The following DLC1 variants were observed in gnomAD, a reference collection of about 807,000 sequenced individuals.
The protein encoded by DLC1 is rho GTPase-activating protein 7.
Under a neutral mutation model 140.3 loss-of-function variants are expected in DLC1, and 54 were observed. That is an observed-to-expected ratio of 0.38 (90% CI 0.31 to 0.48). The LOEUF is 0.48. Ranked by LOEUF, DLC1 falls within the 20% of genes least tolerant of loss-of-function variation. The pLI is 0.96. For missense variants in DLC1, 2,536 were observed against 1,907.0 expected (o/e 1.33, Z -6.14); for synonymous variants, 986 against 728.1 (o/e 1.35, Z -5.70).
In DLC1 at chr8:13,404,238, A is replaced by C. The variant is rs1011381053; in HGVS notation, c.1024-2619T>G. On this transcript the variant is annotated intron_variant, in intron 2 of 17. Coordinates refer to ENST00000276297, the MANE Select transcript of DLC1 (RefSeq NM_182643.3). ...ATGGTATGTTGGTAAGTGTTTAGCA[A>C]CTGAATCTCCAAATAGAATGAAAGT... is the stretch of plus-strand genomic sequence containing the variant. Among the ~76,000 whole-genome samples the C allele has an allele frequency of 4.6e-5, 7 of 152,288 alleles. No homozygotes were observed. In the South Asian group the frequency reaches 1.5e-3, roughly 32 times the overall value.
chr8:13,481,909 C>T (rs1293845396), intron 2 of DLC1, among the ~76,000 whole-genome samples: 2 of 152,092 alleles, frequency 1.3e-5, no homozygotes, highest in African/African-American at 4.8e-5. Flanking sequence ...CCCATGTCAA[C>T]ATAAAGGCCT....
In DLC1 at chr8:13,085,807, G is replaced by A. The variant is rs749177789; in HGVS notation, c.*4C>T. ...TGGTGGAAGCGGTTGCGTTGCTTCA[G>A]TGATCACCTAGATTTGGTGTCTTTG... On this transcript the variant is annotated 3_prime_UTR_variant, in exon 18 of 18. Transcript: ENST00000276297. The A allele has an allele frequency of 9.9e-6, 16 of 1,614,008 alleles. No individual in the cohort carries two copies. The highest frequency in any genetic ancestry group is 3.3e-5 in the Admixed American group (2 of 59,998).
chr8:13,311,080 A>G (rs1391565582), intron 4 of DLC1, among the ~76,000 whole-genome samples: 1 of 152,248 alleles, frequency 6.6e-6, no homozygotes, highest in Non-Finnish European at 1.5e-5. Flanking sequence ...AGGATACATA[A>G]TTATAAAAAT....
intron 5 of DLC1, among the ~76,000 whole-genome samples, chr8:13,302,381 A>G (rs1464597628): frequency 6.6e-6 from 1 of 152,172 alleles, no homozygotes; most frequent in Non-Finnish European, 1.5e-5. Context: ...CTGAATCCAT[A>G]AAAGGCTGTT....
At chr8:13,548,717 A>G (rs894428012) in intron 1 of DLC1, among the ~76,000 whole-genome samples, 8 of 152,032 alleles carry the variant, frequency 5.3e-5, no homozygotes, top group African/African-American at 1.9e-4. Flanking sequence ...GATAACATAG[A>G]GATATATCTC....
At chr8:13,209,357 T>A (rs1174663484) in intron 5 of DLC1, among the ~76,000 whole-genome samples, 1 of 151,672 alleles carries the variant, frequency 6.6e-6, no homozygotes, top group Non-Finnish European at 1.5e-5. Context: ...CTTTGGAGAG[T>A]TAGTGCAAGT....
chr8:13,292,737 G>A (rs973059618), intron 5 of DLC1, among the ~76,000 whole-genome samples: 2 of 152,078 alleles, frequency 1.3e-5, no homozygotes, highest in Non-Finnish European at 2.9e-5. Flanking sequence ...ACAGAATTCT[G>A]ACATTTTTTT....
At chr8:13,577,888 T>A (rs1444991587) in intron 1 of DLC1, among the ~76,000 whole-genome samples, 1 of 152,158 alleles carries the variant, frequency 6.6e-6, no homozygotes, top group African/African-American at 2.4e-5. Flanking sequence ...GTTGCTTTAT[T>A]GGATTTAAGG....
upstream of DLC1, among the ~76,000 whole-genome samples, chr8:13,518,577 C>A (rs1172517680): frequency 2.6e-5 from 4 of 152,194 alleles, no homozygotes; most frequent in African/African-American, 7.2e-5. Context: ...AAAGCAAGAT[C>A]TATCCTTTGA....
Position 13,448,452 on chromosome 8 carries a change from C to T in DLC1, c.1024-46833G>A, listed in dbSNP as rs184506476. On this transcript the variant is annotated intron_variant, in intron 2 of 17. Transcript: ENST00000276297. ...AATCTTGGCCCACTGCAACCTCCACCTCCTGGTTCAAGTGATCCTCCTGCC... is the reference window on the plus strand; with the variant it reads ...AATCTTGGCCCACTGCAACCTCCACTTCCTGGTTCAAGTGATCCTCCTGCC... 5.1e-3 allele frequency among the ~76,000 whole-genome samples: 774 copies of T among 151,962 alleles called. 4 individuals carry two copies. The highest frequency in any genetic ancestry group is 0.018 in the African/African-American group (733 of 41,426).
At chr8:13,484,481 C>G (rs1419561653) in intron 2 of DLC1, among the ~76,000 whole-genome samples, 1 of 152,070 alleles carries the variant, frequency 6.6e-6, no homozygotes, top group East Asian at 1.9e-4. Flanking sequence ...TGGACTGATT[C>G]TCTTTAGTTT....
rs547283115 is a variant in DLC1 at position 13,158,834 on chromosome 8, T to A, written c.1349-43177A>T. 1.5e-4 allele frequency among the ~76,000 whole-genome samples: 22 copies of A among 151,252 alleles called. No homozygotes were observed. The East Asian group carries it at 3.0e-3, about 20-fold the overall frequency. On this transcript the variant is annotated intron_variant, in intron 5 of 17. Transcript: ENST00000276297. Reference sequence around the variant, plus strand: ...CATAAGACAGGTTAGGTAGTTTGTTTAGCTTCATTTTATGACAGAGAGAAA... The same window carrying A: ...CATAAGACAGGTTAGGTAGTTTGTTAAGCTTCATTTTATGACAGAGAGAAA...
Position 13,085,787 on chromosome 8 carries a change from G to A in DLC1, c.*24C>T. 1 of 1,613,952 alleles carries A rather than the reference G, an allele frequency of 6.2e-7. No individual in the cohort carries two copies. Among genetic ancestry groups the A allele is most frequent in the South Asian group, 1.1e-5 (1 of 91,068 alleles). ...TCTAGAAACAAACACCATGGTGGTG[G>A]AAGCGGTTGCGTTGCTTCAGTGATC... On this transcript the variant is annotated 3_prime_UTR_variant, in exon 18 of 18. Transcript: ENST00000276297.
chr8:13,427,989 C>T (rs1201792481), intron 2 of DLC1, among the ~76,000 whole-genome samples: 7 of 152,128 alleles, frequency 4.6e-5, no homozygotes. Flanking sequence ...TTCCAGTTTG[C>T]TTGCAGAGAG....
intron 1 of DLC1, among the ~76,000 whole-genome samples, chr8:13,509,351 C>A (rs1387049548): frequency 6.6e-6 from 1 of 152,158 alleles, no homozygotes; most frequent in African/African-American, 2.4e-5. Flanking sequence ...AAATCAGGAA[C>A]AAGATGTCAT....
At chr8:13,312,386 A>ATAAT (rs746830060) in intron 4 of DLC1, among the ~76,000 whole-genome samples, 4 of 81,704 alleles carry the variant, frequency 4.9e-5, no homozygotes, top group African/African-American at 1.8e-4. Context: ...AAAAAAAAAA[A>ATAAT]AATAATTTCT....
intron 2 of DLC1, among the ~76,000 whole-genome samples, chr8:13,433,140 A>G (rs926672832): frequency 3.9e-5 from 6 of 152,022 alleles, no homozygotes; most frequent in African/African-American, 1.2e-4. Context: ...TATTGAAGAG[A>G]ACAGGCATTC....
At chr8:13,522,560 G>A (rs921436460) in intron 1 of DLC1, among the ~76,000 whole-genome samples, 1 of 152,054 alleles carries the variant, frequency 6.6e-6, no homozygotes, top group East Asian at 1.9e-4. Flanking sequence ...AGGAGACAGA[G>A]GTTGAAGTGA....
chr8:13,594,437 C>G (rs1245446022), intron 1 of DLC1, among the ~76,000 whole-genome samples: 1 of 152,048 alleles, frequency 6.6e-6, no homozygotes, highest in African/African-American at 2.4e-5. Context: ...TCTGTTACTA[C>G]TATCTATCCT....
Sources: gnomAD v4.1 joint callset for allele counts (sites outside exome capture counted in the v4.1 genomes callset) on GRCh38, gnomAD v4.1.1 for gene constraint, MANE v1.5 for transcripts, NCBI Gene and HGNC (gene_info 2026-07-23, HGNC 2026-07-21) for gene names.